Variants in MAP4K5 observed in about 807,000 individuals in gnomAD.
MAP4K5 encodes mitogen-activated protein kinase kinase kinase kinase 5, also known as MAPK/ERK kinase kinase kinase 5.
A neutral mutation model predicts 135.6 loss-of-function variants in MAP4K5; 82 were observed. That is an observed-to-expected ratio of 0.60 (90% CI 0.51 to 0.73). The LOEUF (loss-of-function observed/expected upper bound fraction) is 0.73, where lower values mean the gene tolerates loss of function less well. Ranked by LOEUF, MAP4K5 falls within the 30% of genes least tolerant of loss-of-function variation. MAP4K5 has a pLI of 0.00. For synonymous variants in MAP4K5, 347 were observed against 335.0 expected, an observed-to-expected ratio of 1.04 and a Z score of -0.39; for missense variants, 907 against 1,010.9, an observed-to-expected ratio of 0.90 and a Z score of 1.39.
rs551861117 is a variant in MAP4K5, at chr14:50,550,843, T to C, written c.-179-8259A>G. Among the ~76,000 whole-genome samples the C allele has an allele frequency of 2.6e-5, 4 of 152,296 alleles. No homozygotes were observed. In the East Asian group the frequency reaches 5.8e-4, roughly 22 times the overall value. On this transcript the variant is annotated intron_variant, in intron 1 of 8. Coordinates refer to the MAP4K5 transcript ENST00000555216. ...TCAAGATGGAAATTTAAAAATTCTT[T>C]GAACTGAATGATAGTGACACAACTT... is the stretch of plus-strand genomic sequence containing the variant.
intron 1 of MAP4K5, among the ~76,000 whole-genome samples, chr14:50,552,849 G>A (rs2038719872): frequency 6.6e-6 from 1 of 152,126 alleles, no homozygotes; most frequent in Non-Finnish European, 1.5e-5. Flanking sequence ...TCACCTTATA[G>A]AAAAATCAAC....
In MAP4K5 at chr14:50,551,138, A is replaced by C. The variant is rs1308521945; in HGVS notation, c.-179-8554T>G. Among the ~76,000 whole-genome samples, 3 of 152,324 alleles carry C rather than the reference A, an allele frequency of 2.0e-5. No individual in the cohort carries two copies. In the East Asian group the frequency reaches 5.8e-4, roughly 29 times the overall value. ...AATTGATAGACCATTAGTGAGATTA[A>C]CTAAGAAAAGAAGAAAGAAGATCCA... On this transcript the variant is annotated intron_variant, in intron 1 of 8. Transcript: ENST00000555216.
intron 2 of MAP4K5, among the ~76,000 whole-genome samples, chr14:50,508,593 C>T (rs1160645925): frequency 1.3e-5 from 2 of 151,982 alleles, no homozygotes; most frequent in African/African-American, 4.8e-5. Flanking sequence ...GGAGGGATAG[C>T]ATTAGGAGAT....
intron 16 of MAP4K5, 150 bp downstream of exon 16, chr14:50,447,264 G>A (rs1279787320): frequency 1.1e-5 from 6 of 550,780 alleles, no homozygotes; most frequent in Admixed American, 3.7e-5. Context: ...AATACATGAT[G>A]CTTTTTGGTA....
chr14:50,471,017 A>G (rs1480130937), intron 9 of MAP4K5, among the ~76,000 whole-genome samples: 2 of 152,048 alleles, frequency 1.3e-5, no homozygotes, highest in Non-Finnish European at 1.5e-5. Context: ...TTTTCCTTCA[A>G]CTTTTATTTT....
In MAP4K5 at chr14:50,435,039, A is replaced by G. The variant is rs2036058256; in HGVS notation, c.1909T>C (p.Tyr637His). The G allele has an allele frequency of 1.2e-6, 2 of 1,609,934 alleles. No homozygotes were observed. The highest frequency in any genetic ancestry group is 2.2e-5 in the East Asian group (1 of 44,774). The change falls in exon 27 of 33, where the codon TAC (tyrosine) becomes CAC (histidine). Residue 637 changes from tyrosine (Y) to histidine (H), a missense_variant. By Grantham distance (83) the Tyr-to-His change is moderately conservative. Around this residue, in one of 3 missense-constraint regions of MAP4K5, gnomAD observed 690 missense variants for 777.4 expected, o/e 0.89. Coordinates refer to ENST00000682126, the MANE Select transcript of MAP4K5 (RefSeq NM_006575.6). ...CCAGACTGTAAAGCTCCACAGAGGTATTTATGTCCCGTGTAAGGGTTTCTG... is the reference window on the plus strand; with the variant it reads ...CCAGACTGTAAAGCTCCACAGAGGTGTTTATGTCCCGTGTAAGGGTTTCTG... ...IVRNPYTGHK[Y>H]LCGALQSGIV...
intron 2 of MAP4K5, among the ~76,000 whole-genome samples, chr14:50,531,547 A>T (rs78947507): frequency 0.036 from 5,520 of 152,188 alleles, 108 homozygotes; most frequent in Middle Eastern, 0.058. Flanking sequence ...AAATTTTTTT[A>T]AAAAAATGCA....
chr14:50,464,275 G>T, intron 11 of MAP4K5, 142 bp from the exon 12 acceptor site: 1 of 538,924 alleles, frequency 1.9e-6, no homozygotes, highest in Non-Finnish European at 3.3e-6. Context: ...TATATTCCGT[G>T]GAAACATCTG....
intron 5 of MAP4K5, among the ~76,000 whole-genome samples, chr14:50,484,564 A>G (rs982736648): frequency 2.6e-5 from 4 of 152,306 alleles, no homozygotes; most frequent in South Asian, 4.1e-4. Context: ...TATGTTATAC[A>G]TATTCTTTCA....
upstream of MAP4K5, among the ~76,000 whole-genome samples, chr14:50,536,436 CAAAA>C (rs34686813): frequency 1.4e-4 from 15 of 107,210 alleles, no homozygotes; most frequent in African/African-American, 2.6e-4. Flanking sequence ...AACTCTGTCT[CAAAA>C]AAAAAAAAAA....
intron 17 of MAP4K5, among the ~76,000 whole-genome samples, 155 bp from the exon 18 acceptor site, chr14:50,445,349 T>C (rs182837916): frequency 6.6e-6 from 1 of 152,176 alleles, no homozygotes; most frequent in African/African-American, 2.4e-5. Flanking sequence ...CCAACACAAC[T>C]ATCAACTTGC....
At chr14:50,469,463 AAG>A (rs1000692343) in intron 9 of MAP4K5, among the ~76,000 whole-genome samples, 3 of 152,200 alleles carry the variant, frequency 2.0e-5, no homozygotes, top group African/African-American at 7.2e-5. Context: ...TTATACAAAA[AAG>A]GTTAGACTTT....
intron 1 of MAP4K5, among the ~76,000 whole-genome samples, chr14:50,554,761 G>A (rs1421076780): frequency 6.6e-6 from 1 of 152,196 alleles, no homozygotes; most frequent in African/African-American, 2.4e-5. Context: ...CTATCCTGCT[G>A]CTGCCCAGAA....
chr14:50,433,216 C>T (rs2036013619), intron 28 of MAP4K5, among the ~76,000 whole-genome samples: 1 of 152,196 alleles, frequency 6.6e-6, no homozygotes, highest in Admixed American at 6.5e-5. Flanking sequence ...TTAGCTGTAA[C>T]AGCAGGCATA....
rs570637456 is a variant in MAP4K5, at chr14:50,510,404, C to T, written c.109-5547G>A. ...CAGAATTCAGTTTAGTTATCACCTC[C>T]TCCAGGAAGTCTCCCTGGTATCCTA... On this transcript the variant is annotated intron_variant, in intron 2 of 32. Transcript: ENST00000682126. 3.9e-5 allele frequency among the ~76,000 whole-genome samples: 6 copies of T among 152,302 alleles called. No individual in the cohort carries two copies. The East Asian group carries it at 1.2e-3, about 29-fold the overall frequency.
intron 3 of MAP4K5, among the ~76,000 whole-genome samples, chr14:50,498,212 C>G (rs1372597477): frequency 2.0e-5 from 3 of 152,096 alleles, no homozygotes; most frequent in Non-Finnish European, 2.9e-5. Flanking sequence ...ATAGGGCACT[C>G]TGGATGTCTA....
At chr14:50,541,649 G>A (rs530584731) in intron 2 of MAP4K5, among the ~76,000 whole-genome samples, 1 of 152,234 alleles carries the variant, frequency 6.6e-6, no homozygotes, top group African/African-American at 2.4e-5. Context: ...AGACCCAATG[G>A]TAAACAGGAA....
At chr14:50,533,032 G>A (rs1015426966), upstream of MAP4K5, 2 of 152,520 alleles carry the variant, frequency 1.3e-5, no homozygotes, top group African/African-American at 2.4e-5. Context: ...ACTAAGTCCC[G>A]GCACACCCTA....
chr14:50,489,099 G>A (rs987761094), intron 3 of MAP4K5, among the ~76,000 whole-genome samples: 3 of 152,084 alleles, frequency 2.0e-5, no homozygotes, highest in Admixed American at 6.6e-5. Context: ...CTGAGATGTG[G>A]CATAAAATCC....
Sources: gnomAD v4.1 joint callset for allele counts (sites outside exome capture counted in the v4.1 genomes callset) on GRCh38, gnomAD v4.1.1 for gene constraint, gnomAD v4.1.1 regional missense constraint, MANE v1.5 for transcripts, NCBI Gene and HGNC (gene_info 2026-07-23, HGNC 2026-07-21) for gene names.